CFAP77: variants seen among roughly 807,000 people sequenced by gnomAD.
The protein encoded by CFAP77 is cilia- and flagella-associated protein 77.
CFAP77 carries 25 observed loss-of-function variants against 31.1 expected under a neutral mutation model. The observed-to-expected ratio is 0.80, with a 90% CI of 0.59 to 1.12. The LOEUF is 1.12. Ranked by LOEUF, CFAP77 falls within the 50% of genes most tolerant of loss-of-function variation. The pLI is 0.00. For synonymous variants in CFAP77, 151 were observed against 159.9 expected (o/e 0.94, Z 0.42); for missense variants, 377 against 397.3 (o/e 0.95, Z 0.44).
rs539787436 is a variant in CFAP77, at chr9:132,480,094, C to T, written c.196-18601C>T. 3.4e-4 allele frequency among the ~76,000 whole-genome samples: 52 copies of T among 152,278 alleles called. No homozygotes were observed. The highest frequency in any genetic ancestry group is 3.7e-4 in the Non-Finnish European group (25 of 68,008). On this transcript the variant is annotated intron_variant, in intron 1 of 5. Transcript: ENST00000393216. The surrounding 1 kb of genome is among the most constrained non-coding windows in gnomAD (Gnocchi z 5.8). ...CCCTGAAAATCAACCGGCTCAGCCC[C>T]CTCATTTTGCAGATGGGACCACTGA... is the stretch of plus-strand genomic sequence containing the variant.
Position 132,467,506 on chromosome 9 carries a change from T to C in CFAP77, c.196-31189T>C, listed in dbSNP as rs140475801. Among the ~76,000 whole-genome samples, 18 of 152,366 alleles carry C rather than the reference T, an allele frequency of 1.2e-4. No individual in the cohort carries two copies. The East Asian group carries it at 2.9e-3, about 24-fold the overall frequency. ...ACACTGCCGTGAAGGTCCATCCACA[T>C]TGTAGCATGTGTCAGAATTTCCTTC... is the stretch of plus-strand genomic sequence containing the variant. On this transcript the variant is annotated intron_variant, in intron 1 of 5. Coordinates refer to ENST00000393216, the MANE Select transcript of CFAP77 (RefSeq NM_001282957.2).
intron 1 of CFAP77, among the ~76,000 whole-genome samples, chr9:132,479,693 G>A (rs569497445): frequency 7.8e-4 from 119 of 152,304 alleles, no homozygotes; most frequent in Non-Finnish European, 1.4e-3. Flanking sequence ...GGGCAGGTGG[G>A]CCGAGCTGGC....
chr9:132,537,513 T>G, intron 3 of CFAP77, 88 bp from the exon 4 acceptor site: 1 of 913,354 alleles, frequency 1.1e-6, no homozygotes. Flanking sequence ...CCCCTGACGT[T>G]TAGGAGGCTC....
At chr9:132,448,359 A>G (rs563728463) in intron 1 of CFAP77, among the ~76,000 whole-genome samples, 1 of 152,290 alleles carries the variant, frequency 6.6e-6, no homozygotes, top group South Asian at 2.1e-4. Context: ...CTCTTCCCTC[A>G]TGCACCATAG....
intron 1 of CFAP77, among the ~76,000 whole-genome samples, chr9:132,446,819 A>T (rs559348381): frequency 6.6e-6 from 1 of 151,938 alleles, no homozygotes; most frequent in African/African-American, 2.4e-5. Context: ...AAGCATGCCA[A>T]ATGCTTTCAA....
intron 1 of CFAP77, among the ~76,000 whole-genome samples, chr9:132,440,588 C>T (rs181721400): frequency 8.5e-5 from 13 of 152,304 alleles, no homozygotes; most frequent in African/African-American, 3.1e-4. Context: ...TAGGCTGAAT[C>T]CATAGCCCAT....
chr9:132,516,508 A>G (rs545172496), intron 3 of CFAP77, among the ~76,000 whole-genome samples: 47 of 152,190 alleles, frequency 3.1e-4, no homozygotes, highest in Middle Eastern at 3.4e-3. Flanking sequence ...ACAAGAGGAG[A>G]GAGCTTGTGG....
chr9:132,525,095 C>T lies in CFAP77; in HGVS notation c.525-12506C>T, dbSNP rs573402117. On this transcript the variant is annotated intron_variant, in intron 3 of 5. Coordinates refer to ENST00000393216, the MANE Select transcript of CFAP77 (RefSeq NM_001282957.2). ...AGTGCAATGGCACAATCTCAGCTCACTGCAACCTCCGCTTCCCGAGTTCAA... is the reference window on the plus strand; with the variant it reads ...AGTGCAATGGCACAATCTCAGCTCATTGCAACCTCCGCTTCCCGAGTTCAA... Among the ~76,000 whole-genome samples, 151 of 148,238 alleles carry T rather than the reference C, an allele frequency of 1.0e-3. 6 individuals are homozygous for T. The highest frequency in any genetic ancestry group is 3.6e-3 in the African/African-American group (146 of 40,634).
intron 1 of CFAP77, among the ~76,000 whole-genome samples, chr9:132,458,716 C>G (rs1359327536): frequency 9.8e-6 from 1 of 101,586 alleles, no homozygotes; most frequent in Admixed American, 9.8e-5. Flanking sequence ...ATAGCACTTG[C>G]GGCTGGCAGG....
chr9:132,514,707 C>T (rs1402079627), intron 3 of CFAP77, among the ~76,000 whole-genome samples: 1 of 152,172 alleles, frequency 6.6e-6, no homozygotes, highest in African/African-American at 2.4e-5. Flanking sequence ...AGGTGTGTGC[C>T]GCTAACCAAG....
At chr9:132,516,761 G>T (rs1455873719) in intron 3 of CFAP77, among the ~76,000 whole-genome samples, 1 of 152,112 alleles carries the variant, frequency 6.6e-6, no homozygotes, top group South Asian at 2.1e-4. Flanking sequence ...GCATCATTTC[G>T]TACAAACTGC....
intron 5 of CFAP77, among the ~76,000 whole-genome samples, chr9:132,560,919 A>T (rs1852984925): frequency 6.6e-6 from 1 of 152,178 alleles, no homozygotes; most frequent in South Asian, 2.1e-4. Flanking sequence ...AAATCGCAGC[A>T]TGTGTCAGCA....
chr9:132,562,002 T>C (rs1442192753), intron 5 of CFAP77, among the ~76,000 whole-genome samples: 1 of 152,220 alleles, frequency 6.6e-6, no homozygotes, highest in African/African-American at 2.4e-5. Context: ...TTCTCAGGCA[T>C]GGAGGTGAAT....
intron 1 of CFAP77, among the ~76,000 whole-genome samples, chr9:132,430,711 A>G (rs1564201431): frequency 6.6e-6 from 1 of 152,190 alleles, no homozygotes; most frequent in South Asian, 2.1e-4. Context: ...ATTTTTACCC[A>G]GTAACAGAAA....
In CFAP77 at chr9:132,545,520, A is replaced by G. The variant is rs1483194382; in HGVS notation, c.732+2473A>G. 1.3e-5 allele frequency among the ~76,000 whole-genome samples: 2 copies of G among 152,190 alleles called. No homozygotes were observed. The highest frequency in any genetic ancestry group is 4.8e-5 in the African/African-American group (2 of 41,452). ...CCGAGGGTATTCGCAGGATGCTGGG[A>G]GTTAAAGCTGCAGGCTGTCTCCCTA... On this transcript the variant is annotated intron_variant, in intron 5 of 5. Transcript: ENST00000393216. This position sits in a 1 kb window ranked among gnomAD's most constrained non-coding sequence, Gnocchi z 4.6.
At position 132,410,342 on chromosome 9, in the gene CFAP77, C is replaced by T; in HGVS notation, c.71C>T (p.Thr24Met). Reference sequence around the variant, plus strand: ...AAGCAGCAGCAGCCTGTGCGCCGCACGGTCAGCCAGGTCTGCCCGCCCCCG... The same window carrying T: ...AAGCAGCAGCAGCCTGTGCGCCGCATGGTCAGCCAGGTCTGCCCGCCCCCG... ...WRKQQQPVRR[T>M]VSQVCPPPRR... Residue 24 changes from threonine to methionine, a missense_variant, in exon 1 of 6, where the codon ACG becomes ATG. Physicochemically the swap from Thr to Met is moderately conservative, Grantham distance 81. Transcript: ENST00000393216. The T allele has an allele frequency of 1.3e-6, 2 of 1,598,036 alleles. No homozygotes were observed. The highest frequency in any genetic ancestry group is 2.3e-5 in the East Asian group (1 of 43,472).
chr9:132,572,285 A>G, intron 5 of CFAP77, 103 bp from the exon 6 acceptor site: 1 of 1,363,472 alleles, frequency 7.3e-7, no homozygotes, highest in Non-Finnish European at 1.0e-6. Flanking sequence ...AGCTATTTTT[A>G]TCATTATTCT....
At chr9:132,422,526 C>T (rs1376727118) in intron 1 of CFAP77, among the ~76,000 whole-genome samples, 1 of 152,198 alleles carries the variant, frequency 6.6e-6, no homozygotes, top group Non-Finnish European at 1.5e-5. Context: ...TCCGCGTTCA[C>T]ATGAGCAATG....
intron 3 of CFAP77, among the ~76,000 whole-genome samples, chr9:132,502,276 T>C (rs57388355): frequency 3.1e-5 from 2 of 65,244 alleles, no homozygotes; most frequent in East Asian, 6.7e-4. Flanking sequence ...TTTTTTTTTT[T>C]TGGGGGAGGG....
Sources: gnomAD v4.1 joint callset for allele counts (sites outside exome capture counted in the v4.1 genomes callset) on GRCh38, gnomAD v4.1.1 for gene constraint, Gnocchi (gnomAD v3.1) non-coding constraint, MANE v1.5 for transcripts, NCBI Gene and HGNC (gene_info 2026-07-23, HGNC 2026-07-21) for gene names.